The following GLIPR2 variants were observed in gnomAD, a reference collection of about 807,000 sequenced individuals.
GLIPR2 encodes GLI pathogenesis related 2, also known as Golgi-associated plant pathogenesis-related protein 1.
In GLIPR2, 21 loss-of-function variants were observed where a neutral mutation model predicts 20.4. The observed-to-expected ratio is 1.03, with a 90% confidence interval of 0.73 to 1.48. The LOEUF is 1.48. GLIPR2 is among the 40% of genes most tolerant of loss of function. The probability of loss-of-function intolerance (pLI) is 0.00; values close to 1 mark genes in which losing one functional copy is unlikely to be tolerated. For synonymous variants in GLIPR2, 91 were observed against 80.5 expected (o/e 1.13, Z -0.70); for missense variants, 205 against 200.1 (o/e 1.02, Z -0.15).
chr9:36,161,201 T>C (rs918117154), intron 4 of GLIPR2, among the ~76,000 whole-genome samples: 2 of 151,992 alleles, frequency 1.3e-5, no homozygotes, highest in Non-Finnish European at 2.9e-5. Flanking sequence ...AGAGTTGGAT[T>C]CTTCAAGACT....
intron 1 of GLIPR2, among the ~76,000 whole-genome samples, chr9:36,140,239 T>C (rs1329866913): frequency 6.6e-6 from 1 of 152,128 alleles, no homozygotes; most frequent in South Asian, 2.1e-4. Context: ...AGAATATTAG[T>C]GTCCCTCCAT....
At chr9:36,152,750 C>CAAAA (rs1217889590) in intron 4 of GLIPR2, among the ~76,000 whole-genome samples, 3 of 41,632 alleles carry the variant, frequency 7.2e-5, no homozygotes, top group African/African-American at 2.1e-4. Flanking sequence ...AACTCTGTCT[C>CAAAA]AAAAAAAAAA....
intron 1 of GLIPR2, among the ~76,000 whole-genome samples, chr9:36,141,680 GTCTTGC>G (rs912395464): frequency 6.6e-6 from 1 of 152,100 alleles, no homozygotes. Context: ...TTGAGTCAAG[GTCTTGC>G]TCTGTCACGC....
In GLIPR2 at chr9:36,163,357, T is replaced by G. The variant is rs1826143950; in HGVS notation, c.*835T>G. The G allele has an allele frequency of 6.1e-6, 1 of 163,360 alleles. No individual in the cohort carries two copies. The highest frequency in any genetic ancestry group is 1.3e-5 in the Non-Finnish European group (1 of 75,048). 10.1% of individuals were successfully genotyped at this position (163,360 alleles called of 1,614,324 possible). On this transcript the variant is annotated 3_prime_UTR_variant, in exon 5 of 5. Coordinates refer to ENST00000377960, the MANE Select transcript of GLIPR2 (RefSeq NM_022343.4). ...CAGGCCTGGTCTGGGAGACAGCCCC[T>G]CACCCTGCCTGGGCTCTTGGCCAAG...
Position 36,148,660 on chromosome 9 carries a change from A to G in GLIPR2, c.226+10A>G. 1 of 1,577,864 alleles carries G rather than the reference A, an allele frequency of 6.3e-7. No individual in the cohort carries two copies. The highest frequency in any genetic ancestry group is 8.7e-7 in the Non-Finnish European group (1 of 1,148,252). On this transcript the variant is annotated intron_variant, in intron 3 of 4. Transcript: ENST00000377960. ...TCCTATGATCAGACAGGTGGGTCGC[A>G]TTTTCAGCTCCTCTCCTCTCTGCGG...
At chr9:36,152,255 C>G (rs1825617942) in intron 4 of GLIPR2, among the ~76,000 whole-genome samples, 1 of 152,190 alleles carries the variant, frequency 6.6e-6, no homozygotes. Context: ...GGAGCAGTAA[C>G]AAGCTCCTGC....
chr9:36,161,476 A>T (rs1459035090), intron 4 of GLIPR2, among the ~76,000 whole-genome samples: 14 of 149,504 alleles, frequency 9.4e-5, no homozygotes, highest in Non-Finnish European at 1.5e-5. Flanking sequence ...CCAGGGAAAG[A>T]TGAAATTCCC....
chr9:36,149,155 A>G (rs1209829356), intron 3 of GLIPR2, among the ~76,000 whole-genome samples: 2 of 152,200 alleles, frequency 1.3e-5, no homozygotes, highest in Non-Finnish European at 2.9e-5. Flanking sequence ...GGAAAAGACA[A>G]TGTCTCCATG....
At chr9:36,143,208 C>A (rs2132720290) in intron 1 of GLIPR2, among the ~76,000 whole-genome samples, 1 of 152,316 alleles carries the variant, frequency 6.6e-6, no homozygotes, top group African/African-American at 2.4e-5. Context: ...AGCACTCAGG[C>A]TGCCTTTAAA....
chr9:36,148,483 G>C lies in GLIPR2; in HGVS notation c.123-64G>C, dbSNP rs922904753. On this transcript the variant is annotated intron_variant, in intron 2 of 4. Coordinates refer to ENST00000377960, the MANE Select transcript of GLIPR2 (RefSeq NM_022343.4). ...AAGGAAGCTCAGCCACACTAGCTTG[G>C]GGCACATACTTTGGGGGTTCCCTGA... is the stretch of plus-strand genomic sequence containing the variant. 1.4e-5 allele frequency: 17 copies of C among 1,174,930 alleles called. No homozygotes were observed. In the Admixed American group the frequency reaches 1.9e-4, roughly 13 times the overall value. 72.8% of individuals were successfully genotyped at this position (1,174,930 alleles called of 1,614,324 possible). A position where few individuals can be genotyped will look rare whatever the true frequency, so the allele number is the denominator to read the frequency against.
rs527662845 is a variant in GLIPR2, at chr9:36,145,810, A to T, written c.14-1976A>T. ...TGGTTCGAGGATGTTGGATGGATGG[A>T]TGGATGGGGATCATTTCAGATCCAA... On this transcript the variant is annotated intron_variant, in intron 1 of 4. Transcript: ENST00000377960. 5.9e-5 allele frequency among the ~76,000 whole-genome samples: 9 copies of T among 152,256 alleles called. No individual in the cohort carries two copies. The East Asian group carries it at 1.7e-3, about 29-fold the overall frequency.
intron 4 of GLIPR2, among the ~76,000 whole-genome samples, chr9:36,159,733 A>C (rs10972764): frequency 1.3e-5 from 2 of 152,086 alleles, no homozygotes; most frequent in African/African-American, 4.8e-5. Context: ...TGGCTGGGCC[A>C]AGGCGAGTGA....
chr9:36,153,122 CAAAAA>C (rs755775246), intron 4 of GLIPR2, among the ~76,000 whole-genome samples: 1 of 88,434 alleles, frequency 1.1e-5, no homozygotes. Flanking sequence ...GACTCTGTCT[CAAAAA>C]AAAAAAAAAA....
intron 1 of GLIPR2, among the ~76,000 whole-genome samples, chr9:36,140,851 T>C (rs1825044090): frequency 6.6e-6 from 1 of 152,120 alleles, no homozygotes; most frequent in African/African-American, 2.4e-5. Flanking sequence ...TCCTCATCTG[T>C]AATGAAGAGA....
chr9:36,157,446 A>C (rs1825882965), intron 4 of GLIPR2, among the ~76,000 whole-genome samples: 1 of 151,406 alleles, frequency 6.6e-6, no homozygotes, highest in African/African-American at 2.4e-5. Flanking sequence ...TCCCAGGTTC[A>C]AGCGACTCTC....
At chr9:36,140,134 C>G (rs922220360) in intron 1 of GLIPR2, among the ~76,000 whole-genome samples, 2 of 152,168 alleles carry the variant, frequency 1.3e-5, no homozygotes, top group African/African-American at 4.8e-5. Flanking sequence ...GTCCTGTCCT[C>G]TCTCCCACAC....
intron 1 of GLIPR2, among the ~76,000 whole-genome samples, chr9:36,142,986 G>T (rs2132719522): frequency 6.6e-6 from 1 of 152,268 alleles, no homozygotes; most frequent in South Asian, 2.1e-4. Context: ...AGAGAACCCT[G>T]GCTCAGGAGC....
rs1234933699 is a variant in GLIPR2, at chr9:36,162,364, C to G, written c.307C>G (p.His103Asp). The G allele has an allele frequency of 1.2e-6, 2 of 1,611,042 alleles. No individual in the cohort carries two copies. Among genetic ancestry groups the G allele is most frequent in the South Asian group, 2.2e-5 (2 of 90,996 alleles). Residue 103 changes from histidine to aspartate, a missense_variant and splice_region_variant, in exon 5 of 5, where the codon CAC becomes GAC. Physicochemically the swap from His to Asp is moderately conservative, Grantham distance 81. Coordinates refer to ENST00000377960, the MANE Select transcript of GLIPR2 (RefSeq NM_022343.4). ...TCCCTCTGCCCGTTCCCCTACAGGACACTTCACGGCCATGGTATGGAAGAA... is the reference window on the plus strand; with the variant it reads ...TCCCTCTGCCCGTTCCCCTACAGGAGACTTCACGGCCATGGTATGGAAGAA... ...QQPGFTSGTGHFTAMVWKNTK... is the reference protein window; with the variant it reads ...QQPGFTSGTGDFTAMVWKNTK...
At chr9:36,150,841 TGA>T (rs746277146) in intron 3 of GLIPR2, 29 bp from the exon 4 acceptor site, 1 of 1,550,598 alleles carries the variant, frequency 6.4e-7, no homozygotes, top group East Asian at 2.3e-5. Context: ...ATTTTGTGGC[TGA>T]GTTTTAGAAC....
Sources: allele counts gnomAD v4.1 joint callset (sites outside exome capture counted in the v4.1 genomes callset), GRCh38; gene constraint gnomAD v4.1.1; transcripts MANE v1.5; gene names NCBI Gene and HGNC (gene_info 2026-07-23, HGNC 2026-07-21).